Variants in TENM4 observed in about 807,000 individuals in gnomAD.
TENM4 encodes the protein teneurin-4.
In TENM4, 82 loss-of-function variants were observed where a neutral mutation model predicts 243.3. That is an observed-to-expected ratio of 0.34 (90% CI 0.28 to 0.40). The LOEUF is 0.40. Ranked by LOEUF, TENM4 falls within the 10% of genes least tolerant of loss-of-function variation. TENM4 has a pLI of 1.00. For missense variants in TENM4, 3,138 were observed against 3,673.3 expected (o/e 0.85, Z 3.77); for synonymous variants, 1,412 against 1,456.3 (o/e 0.97, Z 0.69).
intron 6 of TENM4, among the ~76,000 whole-genome samples, chr11:79,041,518 C>G (rs1399121420): frequency 7.7e-6 from 1 of 129,906 alleles, no homozygotes; most frequent in Non-Finnish European, 1.7e-5. Flanking sequence ...ATCGAAGAAA[C>G]AATTTACTTT....
intron 6 of TENM4, among the ~76,000 whole-genome samples, chr11:78,991,868 C>G (rs1424120136): frequency 6.6e-6 from 1 of 152,206 alleles, no homozygotes; most frequent in South Asian, 2.1e-4. Flanking sequence ...CTTCCTCACC[C>G]TGTGCTGCTG....
rs1275486193 is a variant in TENM4 at position 78,670,271 on chromosome 11, T to C, written c.6074A>G (p.Tyr2025Cys). Residue 2025 changes from tyrosine (Y) to cysteine (C), a missense_variant, in exon 32 of 34, where the codon TAT (tyrosine) becomes TGT (cysteine). Tyr to Cys is a radical substitution (Grantham distance 194). Coordinates refer to ENST00000278550, the MANE Select transcript of TENM4 (RefSeq NM_001098816.3). Reference protein sequence around the residue: ...GKLSKLAETLYDTTKVSFTYD... With the variant: ...GKLSKLAETLCDTTKVSFTYD... Reference sequence around the variant, plus strand: ...GGTGAAACTGACCTTGGTGGTGTCATAGAGCGTCTCTGCCAGCTTTGACAG... The same window carrying C: ...GGTGAAACTGACCTTGGTGGTGTCACAGAGCGTCTCTGCCAGCTTTGACAG... The C allele has an allele frequency of 1.9e-6, 3 of 1,613,962 alleles. No individual in the cohort carries two copies. The highest frequency in any genetic ancestry group is 2.5e-6 in the Non-Finnish European group (3 of 1,179,886).
intron 6 of TENM4, among the ~76,000 whole-genome samples, chr11:78,982,026 A>G (rs892988838): frequency 2.0e-5 from 3 of 152,108 alleles, no homozygotes; most frequent in African/African-American, 7.2e-5. Context: ...ACCTGCAAGA[A>G]GCCTGATCAG....
intron 6 of TENM4, among the ~76,000 whole-genome samples, chr11:78,966,629 A>G (rs751275268): frequency 6.6e-6 from 1 of 152,182 alleles, no homozygotes; most frequent in Non-Finnish European, 1.5e-5. Context: ...GCTCATTTCA[A>G]CTGGAGGAAC....
At chr11:79,336,760 C>T (rs954157628) in intron 1 of TENM4, among the ~76,000 whole-genome samples, 1 of 152,226 alleles carries the variant, frequency 6.6e-6, no homozygotes, top group Non-Finnish European at 1.5e-5. Flanking sequence ...ACCCCCCTGC[C>T]CTTTTTCTAG....
At position 79,366,653 on chromosome 11, in the gene TENM4, T is replaced by C. The variant is rs1012601041; in HGVS notation, c.-320-69110A>G. ...ACATTAGGTGTTAATTCCCTGGTGC[T>C]GCTCCACTGTACAGTGCCTGGCAGT... On this transcript the variant is annotated intron_variant, in intron 1 of 33. Coordinates refer to ENST00000278550, the MANE Select transcript of TENM4 (RefSeq NM_001098816.3). Among the ~76,000 whole-genome samples, 7 of 152,240 alleles carry C rather than the reference T, an allele frequency of 4.6e-5. No individual in the cohort carries two copies. The South Asian group carries it at 6.2e-4, about 14-fold the overall frequency.
At position 79,132,206 on chromosome 11, in the gene TENM4, C is replaced by T. The variant is rs368370983; in HGVS notation, c.-66+16504G>A. On this transcript the variant is annotated intron_variant, in intron 4 of 33. Transcript: ENST00000278550. ...AAATACAAAAAAAAAATGAGCCGGG[C>T]GCGGTGGTGGGTGCCTGTAGTCCCA... Among the ~76,000 whole-genome samples the T allele has an allele frequency of 1.9e-4, 28 of 151,270 alleles. No homozygotes were observed. The South Asian group carries it at 2.7e-3, about 15-fold the overall frequency.
chr11:78,856,996 G>A (rs965452509), intron 10 of TENM4, among the ~76,000 whole-genome samples: 6 of 152,132 alleles, frequency 3.9e-5, no homozygotes, highest in African/African-American at 1.4e-4. Context: ...GAGGGTGACA[G>A]CTCTCTGGGG....
intron 3 of TENM4, among the ~76,000 whole-genome samples, chr11:79,169,683 C>A (rs751034530): frequency 1.3e-5 from 2 of 152,188 alleles, no homozygotes; most frequent in Non-Finnish European, 2.9e-5. Context: ...AAGCCACCAC[C>A]AATTCTGCTG....
chr11:78,803,856 C>T (rs1857334434), intron 15 of TENM4, among the ~76,000 whole-genome samples: 1 of 152,158 alleles, frequency 6.6e-6, no homozygotes, highest in South Asian at 2.1e-4. Flanking sequence ...ATAAACAGAG[C>T]TATATAAAAA....
chr11:79,437,561 G>A (rs1030934478), intron 1 of TENM4, among the ~76,000 whole-genome samples: 13 of 152,192 alleles, frequency 8.5e-5, no homozygotes, highest in African/African-American at 2.9e-4. Context: ...TCCGGCCACC[G>A]AGGAGCCCAA....
intron 16 of TENM4, among the ~76,000 whole-genome samples, chr11:78,782,090 C>T (rs2136023146): frequency 6.6e-6 from 1 of 152,328 alleles, no homozygotes; most frequent in Non-Finnish European, 1.5e-5. Context: ...GGGTCCTATA[C>T]CTCATGAGTG....
At chr11:78,732,894 A>G (rs376777636) in intron 20 of TENM4, among the ~76,000 whole-genome samples, 1 of 152,202 alleles carries the variant, frequency 6.6e-6, no homozygotes, top group Admixed American at 6.5e-5. Context: ...CAACCATGTC[A>G]GAGCTGAAAG....
At chr11:78,732,687 C>T (rs1355883621) in intron 20 of TENM4, 110 bp from the exon 21 acceptor site, 1 of 1,306,362 alleles carries the variant, frequency 7.7e-7, no homozygotes, top group Non-Finnish European at 1.0e-6. Flanking sequence ...AGGGTCTCAG[C>T]ATTTCTTGAG....
At chr11:79,402,048 T>C (rs1022837721) in intron 1 of TENM4, 1 of 469,346 alleles carries the variant, frequency 2.1e-6, no homozygotes, top group Non-Finnish European at 4.6e-6. Context: ...GCTCACAGTC[T>C]AGTTGTGTTC....
intron 4 of TENM4, among the ~76,000 whole-genome samples, chr11:79,114,797 G>A (rs1412672081): frequency 6.6e-6 from 1 of 152,198 alleles, no homozygotes; most frequent in African/African-American, 2.4e-5. Flanking sequence ...AAGCCCTCTG[G>A]ATTGTTGTGT....
intron 9 of TENM4, among the ~76,000 whole-genome samples, chr11:78,879,308 C>T (rs1241774236): frequency 3.2e-4 from 5 of 15,782 alleles, no homozygotes; most frequent in African/African-American, 4.3e-4. Flanking sequence ...TTTGCCCAGC[C>T]GCCACCCGAT....
At chr11:79,394,101 CCA>C (rs1382297330) in intron 1 of TENM4, among the ~76,000 whole-genome samples, 3 of 152,120 alleles carry the variant, frequency 2.0e-5, no homozygotes, top group African/African-American at 7.2e-5. Context: ...GCGGAAATGC[CCA>C]CAGACTCACT....
intron 6 of TENM4, among the ~76,000 whole-genome samples, chr11:78,908,103 T>A (rs1856102506): frequency 6.6e-6 from 1 of 152,194 alleles, no homozygotes; most frequent in Non-Finnish European, 1.5e-5. Flanking sequence ...ACCTCCTGGC[T>A]GCACCTCCCT....
Sources: gnomAD v4.1 joint callset for allele counts (sites outside exome capture counted in the v4.1 genomes callset) on GRCh38, gnomAD v4.1.1 for gene constraint, MANE v1.5 for transcripts, NCBI Gene and HGNC (gene_info 2026-07-23, HGNC 2026-07-21) for gene names.